The following GRB14 variants were observed in gnomAD, a reference collection of about 807,000 sequenced individuals.
GRB14 encodes the protein growth factor receptor bound protein 14.
In GRB14, 38 loss-of-function variants were observed where a neutral mutation model predicts 69.1. That is an observed-to-expected ratio of 0.55 (90% confidence interval 0.42 to 0.72). The LOEUF (loss-of-function observed/expected upper bound fraction) is 0.72. Among genes scored for constraint, GRB14 ranks in the 30% least tolerant of loss-of-function variants. GRB14 has a pLI of 0.00. For synonymous variants in GRB14, 247 were observed against 241.3 expected (o/e 1.02, Z -0.22); for missense variants, 666 against 666.1 (o/e 1.00, Z 0.00).
chr2:164,538,176 A>G (rs527473155), intron 3 of GRB14, among the ~76,000 whole-genome samples: 123 of 152,294 alleles, frequency 8.1e-4, no homozygotes, highest in Middle Eastern at 3.4e-3. Context: ...GCCACTCCAC[A>G]ATGATATTCA....
chr2:164,508,948 A>T, intron 6 of GRB14, 96 bp from the exon 7 acceptor site: 1 of 693,948 alleles, frequency 1.4e-6, no homozygotes. Context: ...AAAACTTATG[A>T]CCAACAGAAG....
At chr2:164,567,976 A>C (rs1574317370) in intron 2 of GRB14, among the ~76,000 whole-genome samples, 1 of 152,172 alleles carries the variant, frequency 6.6e-6, no homozygotes, top group African/African-American at 2.4e-5. Context: ...ACATAACAGC[A>C]GATTTCCTAC....
Position 164,617,967 on chromosome 2 carries a change from G to C in GRB14, c.324+1720C>G, listed in dbSNP as rs1415468231. On this transcript the variant is annotated intron_variant, in intron 2 of 13. Transcript: ENST00000263915. ...AGCCAGAATCTTTTTTTTGGGGGGG[G>C]GGGGGTAGTGTCAGCGGGGGACAGA... Among the ~76,000 whole-genome samples, 9 of 137,142 alleles carry C rather than the reference G, an allele frequency of 6.6e-5. 1 individual carries two copies. The highest frequency in any genetic ancestry group is 9.7e-5 in the Non-Finnish European group (6 of 61,630). 90.0% of individuals were successfully genotyped at this position (137,142 alleles called of 152,430 possible).
At chr2:164,604,620 A>G (rs1047656885) in intron 2 of GRB14, among the ~76,000 whole-genome samples, 2 of 151,996 alleles carry the variant, frequency 1.3e-5, no homozygotes, top group African/African-American at 4.8e-5. Flanking sequence ...GCAATCATGT[A>G]TGAACAATCT....
intron 2 of GRB14, among the ~76,000 whole-genome samples, chr2:164,575,369 A>G (rs1337819189): frequency 1.3e-5 from 2 of 152,226 alleles, no homozygotes; most frequent in Non-Finnish European, 2.9e-5. Flanking sequence ...CCTGAGTGAA[A>G]TAACTGAAAT....
chr2:164,507,661 G>A lies in GRB14; in HGVS notation c.1023+794C>T, dbSNP rs145587106. Among the ~76,000 whole-genome samples the A allele has an allele frequency of 3.1e-3, 468 of 152,146 alleles. 1 individual carries two copies. The highest frequency in any genetic ancestry group is 0.01 in the African/African-American group (434 of 41,516). ...AGCAGCAATACTAACTAATGTGGACGGGCACTTTCCCTGGATTGTATCTTT... is the reference window on the plus strand; with the variant it reads ...AGCAGCAATACTAACTAATGTGGACAGGCACTTTCCCTGGATTGTATCTTT... On this transcript the variant is annotated intron_variant, in intron 8 of 13. Coordinates refer to ENST00000263915, the MANE Select transcript of GRB14 (RefSeq NM_004490.3).
At chr2:164,571,388 T>A (rs1689119006) in intron 2 of GRB14, among the ~76,000 whole-genome samples, 1 of 152,094 alleles carries the variant, frequency 6.6e-6, no homozygotes, top group Non-Finnish European at 1.5e-5. Flanking sequence ...CTCCTTAAAC[T>A]CCCGCTGCAG....
rs189717836 is a variant in GRB14 at position 164,576,920 on chromosome 2, A to G, written c.325-29104T>C. On this transcript the variant is annotated intron_variant, in intron 2 of 13. Coordinates refer to ENST00000263915, the MANE Select transcript of GRB14 (RefSeq NM_004490.3). ...TAAATACTGAAACAAATCTAGGGGG[A>G]AAAAGGGAGAAGGTACCAAAATATA... Among the ~76,000 whole-genome samples, 189 of 152,020 alleles carry G rather than the reference A, an allele frequency of 1.2e-3. 2 individuals carry two copies. Among genetic ancestry groups the G allele is most frequent in the South Asian group, 0.011 (53 of 4,814 alleles).
At chr2:164,606,696 G>C (rs1482754254) in intron 2 of GRB14, among the ~76,000 whole-genome samples, 2 of 152,146 alleles carry the variant, frequency 1.3e-5, no homozygotes, top group East Asian at 1.9e-4. Flanking sequence ...ATGACCTACA[G>C]AGTGTTCCAG....
chr2:164,558,928 G>A (rs916663046), intron 2 of GRB14, among the ~76,000 whole-genome samples: 5 of 152,132 alleles, frequency 3.3e-5, no homozygotes, highest in African/African-American at 1.2e-4. Flanking sequence ...GGCATCAATT[G>A]AAGCCCTTTT....
At chr2:164,598,507 T>G (rs982762593) in intron 2 of GRB14, among the ~76,000 whole-genome samples, 5 of 152,214 alleles carry the variant, frequency 3.3e-5, no homozygotes, top group Admixed American at 3.3e-4. Context: ...CACTGGAATG[T>G]AACTTTTTAT....
chr2:164,559,549 T>C (rs1315684916), intron 2 of GRB14, among the ~76,000 whole-genome samples: 1 of 152,214 alleles, frequency 6.6e-6, no homozygotes, highest in Admixed American at 6.6e-5. Context: ...TGTTTGATTT[T>C]TTATTCCCGA....
rs914001273 is a variant in GRB14, at chr2:164,539,267, G to A, written c.481+8393C>T. Among the ~76,000 whole-genome samples, 8 of 152,060 alleles carry A rather than the reference G, an allele frequency of 5.3e-5. 1 individual carries two copies. The highest frequency in any genetic ancestry group is 5.2e-4 in the Admixed American group (8 of 15,264). ...AGGCAGATGGATCACTTGAGGTCAG[G>A]AGTTCAAGACCAGCCTAGCCAACAT... is the stretch of plus-strand genomic sequence containing the variant. On this transcript the variant is annotated intron_variant, in intron 3 of 13. Transcript: ENST00000263915.
chr2:164,532,967 T>C (rs1687985978), intron 3 of GRB14, among the ~76,000 whole-genome samples: 1 of 151,984 alleles, frequency 6.6e-6, no homozygotes, highest in Non-Finnish European at 1.5e-5. Flanking sequence ...GGGAGCTGGA[T>C]GGTAATTGGA....
At chr2:164,552,469 C>T (rs889364507) in intron 2 of GRB14, among the ~76,000 whole-genome samples, 2 of 152,064 alleles carry the variant, frequency 1.3e-5, no homozygotes, top group African/African-American at 4.8e-5. Context: ...ATAATTAATT[C>T]CCATTTTTAT....
chr2:164,529,250 T>C (rs1687860320), intron 3 of GRB14, among the ~76,000 whole-genome samples: 1 of 151,842 alleles, frequency 6.6e-6, no homozygotes, highest in African/African-American at 2.4e-5. Context: ...CTGCCAGGGG[T>C]AGGAGGGAGT....
At chr2:164,610,015 G>C (rs1377054101) in intron 2 of GRB14, among the ~76,000 whole-genome samples, 6 of 152,162 alleles carry the variant, frequency 3.9e-5, no homozygotes, top group Non-Finnish European at 8.8e-5. Context: ...TGATGCCCTG[G>C]ATGTTTACAC....
chr2:164,583,582 G>C (rs1410938240), intron 2 of GRB14, among the ~76,000 whole-genome samples: 2 of 151,786 alleles, frequency 1.3e-5, no homozygotes, highest in African/African-American at 4.8e-5. Flanking sequence ...ACAATATCTG[G>C]AGTAACTACC....
At chr2:164,532,773 T>G (rs1261219547) in intron 3 of GRB14, among the ~76,000 whole-genome samples, 1 of 152,198 alleles carries the variant, frequency 6.6e-6, no homozygotes, top group East Asian at 1.9e-4. Context: ...GCCACCAAAT[T>G]TGTAATTTGT....
Sources: allele counts gnomAD v4.1 joint callset (sites outside exome capture counted in the v4.1 genomes callset), GRCh38; gene constraint gnomAD v4.1.1; transcripts MANE v1.5; gene names NCBI Gene and HGNC (gene_info 2026-07-23, HGNC 2026-07-21).